Variants in EYA2 observed in about 807,000 individuals in gnomAD.
The protein encoded by EYA2 is protein phosphatase EYA2.
EYA2 carries 31 observed loss-of-function variants against 69.2 expected under a neutral mutation model. The observed-to-expected ratio is 0.45, with a 90% confidence interval of 0.34 to 0.60. EYA2 has a LOEUF of 0.60. EYA2 is among the 20% of genes least tolerant of loss of function. The pLI is 0.02. For synonymous variants in EYA2, 257 were observed against 279.4 expected, an observed-to-expected ratio of 0.92 and a Z score of 0.80; for missense variants, 622 against 701.2, an observed-to-expected ratio of 0.89 and a Z score of 1.28.
intron 1 of EYA2, among the ~76,000 whole-genome samples, chr20:46,964,043 G>A (rs1600586995): frequency 6.6e-6 from 1 of 152,234 alleles, no homozygotes; most frequent in East Asian, 1.9e-4. Context: ...CAGCATCGCA[G>A]GAAGAAAAGT....
chr20:47,175,026 G>A (rs915666338), intron 12 of EYA2, among the ~76,000 whole-genome samples: 3 of 152,244 alleles, frequency 2.0e-5, no homozygotes, highest in Admixed American at 1.3e-4. Context: ...GGCCGCCAGA[G>A]AGCATCTGTT....
At chr20:46,915,541 T>C (rs1413851849) in intron 1 of EYA2, among the ~76,000 whole-genome samples, 1 of 152,156 alleles carries the variant, frequency 6.6e-6, no homozygotes, top group Non-Finnish European at 1.5e-5. Flanking sequence ...TACCCCCAGA[T>C]CTCTTGATTC....
chr20:46,948,785 G>C (rs1224410967), intron 1 of EYA2, among the ~76,000 whole-genome samples: 1 of 152,216 alleles, frequency 6.6e-6, no homozygotes, highest in Non-Finnish European at 1.5e-5. Context: ...CAAACTTAGA[G>C]ACACAAGTAT....
At chr20:47,086,706 A>G (rs2031904207) in intron 7 of EYA2, among the ~76,000 whole-genome samples, 1 of 152,086 alleles carries the variant, frequency 6.6e-6, no homozygotes. Context: ...TTACAATTTG[A>G]CAGGAGATTT....
chr20:47,033,252 A>G (rs1050452444), intron 5 of EYA2, among the ~76,000 whole-genome samples: 8 of 152,196 alleles, frequency 5.3e-5, no homozygotes, highest in Non-Finnish European at 1.2e-4. Context: ...CCAGGATCCC[A>G]GAAGTGTATT....
At chr20:47,164,978 C>T (rs1294007252) in intron 10 of EYA2, among the ~76,000 whole-genome samples, 2 of 152,186 alleles carry the variant, frequency 1.3e-5, no homozygotes, top group African/African-American at 4.8e-5. Context: ...CTCCCTCACC[C>T]CTCTAGAGCA....
intron 7 of EYA2, among the ~76,000 whole-genome samples, chr20:47,079,931 TA>T (rs374645006): frequency 1.7e-4 from 26 of 152,348 alleles, no homozygotes; most frequent in African/African-American, 6.3e-4. Flanking sequence ...GAACTGTTAA[TA>T]GTCATTTTCT....
chr20:47,043,823 A>C (rs568951860), intron 5 of EYA2, among the ~76,000 whole-genome samples: 3 of 152,206 alleles, frequency 2.0e-5, no homozygotes, highest in Non-Finnish European at 4.4e-5. Context: ...TGAGTGGGTC[A>C]ATAGAAGCTG....
chr20:46,955,322 T>C (rs1276105967), intron 1 of EYA2, among the ~76,000 whole-genome samples: 2 of 152,194 alleles, frequency 1.3e-5, no homozygotes, highest in Non-Finnish European at 2.9e-5. Context: ...ATTTATTTAA[T>C]GAGCACCTAC....
At chr20:46,898,394 A>AACACACACACACAC (rs3085766) in intron 1 of EYA2, among the ~76,000 whole-genome samples, 8,928 of 146,442 alleles carry the variant, frequency 0.061, 346 homozygotes, top group Non-Finnish European at 0.092. Context: ...GTTGACAGAA[A>AACACACACACACAC]ACACACACAC....
At chr20:47,135,803 G>C (rs2033448646) in intron 9 of EYA2, among the ~76,000 whole-genome samples, 1 of 107,302 alleles carries the variant, frequency 9.3e-6, no homozygotes, top group Non-Finnish European at 1.9e-5. Context: ...GCAACATAAG[G>C]AGACCCTGTC....
At chr20:46,952,707 T>C (rs912664615) in intron 1 of EYA2, among the ~76,000 whole-genome samples, 1 of 152,172 alleles carries the variant, frequency 6.6e-6, no homozygotes, top group African/African-American at 2.4e-5. Flanking sequence ...CTGGAGCTCT[T>C]CCTGGCAGGC....
intron 1 of EYA2, among the ~76,000 whole-genome samples, chr20:46,900,239 A>G (rs758263698): frequency 1.4e-4 from 22 of 152,168 alleles, no homozygotes; most frequent in Non-Finnish European, 2.9e-4. Flanking sequence ...TAAAATCAAC[A>G]TATTTTTCCC....
intron 5 of EYA2, among the ~76,000 whole-genome samples, chr20:47,069,440 G>T (rs1202087533): frequency 6.6e-6 from 1 of 152,176 alleles, no homozygotes; most frequent in Non-Finnish European, 1.5e-5. Context: ...AGTGAGCCTA[G>T]ATTGCGCCTC....
At chr20:47,143,210 G>T in intron 10 of EYA2, 62 bp downstream of exon 10, 1 of 1,331,956 alleles carries the variant, frequency 7.5e-7, no homozygotes, top group East Asian at 2.5e-5. Context: ...CTAGTTTATG[G>T]GAAGAAGGAT....
intron 12 of EYA2, among the ~76,000 whole-genome samples, chr20:47,175,467 G>A (rs2034408320): frequency 6.6e-6 from 1 of 152,218 alleles, no homozygotes; most frequent in South Asian, 2.1e-4. Flanking sequence ...AATGGGGCCA[G>A]TGATGCTGCC....
chr20:46,912,791 C>T (rs183880726), intron 1 of EYA2, among the ~76,000 whole-genome samples: 3 of 150,820 alleles, frequency 2.0e-5, no homozygotes, highest in East Asian at 1.9e-4. Flanking sequence ...AGCTCCGCTT[C>T]CCGGGTTCAC....
At chr20:46,922,198 A>C (rs943839343) in intron 1 of EYA2, among the ~76,000 whole-genome samples, 22 of 152,214 alleles carry the variant, frequency 1.4e-4, no homozygotes, top group African/African-American at 5.3e-4. Flanking sequence ...ATCACCCCGG[A>C]GGACAGGAGT....
intron 9 of EYA2, among the ~76,000 whole-genome samples, chr20:47,110,647 G>T (rs775353145): frequency 1.3e-5 from 2 of 152,218 alleles, no homozygotes; most frequent in Non-Finnish European, 1.5e-5. Flanking sequence ...CAGGGACTGG[G>T]TCTGATGTGT....
Sources: allele counts gnomAD v4.1 joint callset (sites outside exome capture counted in the v4.1 genomes callset), GRCh38; gene constraint gnomAD v4.1.1; transcripts MANE v1.5; gene names NCBI Gene and HGNC (gene_info 2026-07-23, HGNC 2026-07-21).